CCL17: variants seen among roughly 807,000 people sequenced by gnomAD.
The protein encoded by CCL17 is C-C motif chemokine ligand 17, also known as C-C motif chemokine 17.
Under a neutral mutation model 7.4 loss-of-function variants are expected in CCL17, and 8 were observed. The ratio of observed to expected loss-of-function variants is 1.09; its 90% confidence interval spans 0.64 to 1.96. CCL17 has a LOEUF of 1.96. Among genes scored for constraint, CCL17 ranks in the 30% most tolerant of loss-of-function variants. The pLI is 0.00. For missense variants in CCL17, 102 were observed against 113.0 expected (o/e 0.90, Z 0.44); for synonymous variants, 40 against 46.1 (o/e 0.87, Z 0.54).
At chr16:57,408,534 C>T (rs370729076) in intron 1 of CCL17, among the ~76,000 whole-genome samples, 4 of 152,156 alleles carry the variant, frequency 2.6e-5, no homozygotes, top group South Asian at 4.1e-4. Context: ...TACTCGGCCT[C>T]CAGAGTAGCT....
chr16:57,403,405 TA>T (rs569916524), upstream of CCL17, among the ~76,000 whole-genome samples: 4 of 22,060 alleles, frequency 1.8e-4, 1 homozygote, highest in South Asian at 1.7e-3. Flanking sequence ...ATATATATTA[TA>T]ATATATATAT....
chr16:57,396,179 A>G, the CCL17 span, among the ~76,000 whole-genome samples: 33 of 152,302 alleles, frequency 2.2e-4, no homozygotes, highest in East Asian at 5.8e-3. Context: ...ATTGCTCTGC[A>G]CTGACAGACT....
the CCL17 span, among the ~76,000 whole-genome samples, chr16:57,396,582 G>A: frequency 7.9e-5 from 12 of 152,264 alleles, no homozygotes; most frequent in Middle Eastern, 3.4e-3. Context: ...TGGTGGGGGC[G>A]CTGCTGCAGG....
At chr16:57,414,265 G>A (rs1295640412) in intron 2 of CCL17, among the ~76,000 whole-genome samples, 1 of 151,878 alleles carries the variant, frequency 6.6e-6, no homozygotes, top group Non-Finnish European at 1.5e-5. Flanking sequence ...CGTGAGGTGG[G>A]GGCTGTGGCT....
chr16:57,403,676 A>T (rs1442756076), upstream of CCL17, among the ~76,000 whole-genome samples: 42 of 102,268 alleles, frequency 4.1e-4, no homozygotes, highest in South Asian at 1.0e-3. Flanking sequence ...ATATTTTTTG[A>T]GATAGAGTCT....
At chr16:57,397,316 G>T in the CCL17 span, among the ~76,000 whole-genome samples, 1 of 152,166 alleles carries the variant, frequency 6.6e-6, no homozygotes, top group East Asian at 1.9e-4. Flanking sequence ...TGAAAACTTT[G>T]GTGGAGGGTC....
chr16:57,407,514 T>A (rs572979788), intron 1 of CCL17, among the ~76,000 whole-genome samples: 5 of 152,288 alleles, frequency 3.3e-5, no homozygotes, highest in African/African-American at 1.2e-4. Flanking sequence ...TAGTTCAGAA[T>A]CTCTAAGTGA....
intron 1 of CCL17, among the ~76,000 whole-genome samples, chr16:57,413,299 G>A (rs529593550): frequency 2.6e-5 from 4 of 152,286 alleles, no homozygotes; most frequent in South Asian, 4.1e-4. Flanking sequence ...TCAGCCTCTC[G>A]GAGGCAGATA....
In CCL17 at chr16:57,415,309, C is replaced by T; in HGVS notation, c.188+111C>T. The T allele has an allele frequency of 1.3e-6, 1 of 745,682 alleles. No homozygotes were observed. Among genetic ancestry groups the T allele is most frequent in the Non-Finnish European group, 2.4e-6 (1 of 416,892 alleles). The allele number at this position is 745,682 out of a possible 1,614,324, so 46.2% of individuals were successfully genotyped here. On this transcript the variant is annotated intron_variant, in intron 3 of 3. Transcript: ENST00000219244. The surrounding 1 kb of genome is among the most constrained non-coding windows in gnomAD (Gnocchi z 4.5). ...AGCAGGGAAGAGACAGCGGGGCCTT[C>T]CTCCCCAACCCCTGCAGGCTCCCCA...
chr16:57,398,587 C>T, the CCL17 span, among the ~76,000 whole-genome samples: 10 of 151,896 alleles, frequency 6.6e-5, no homozygotes, highest in African/African-American at 2.4e-4. Context: ...CCCAAGGAAC[C>T]CCTGCAACTG....
the CCL17 span, among the ~76,000 whole-genome samples, chr16:57,396,128 C>A: frequency 6.6e-6 from 1 of 152,188 alleles, no homozygotes. Context: ...GTTCCTGTAA[C>A]AGTGGCCATT....
chr16:57,410,809 C>T (rs1191963204), intron 1 of CCL17, among the ~76,000 whole-genome samples: 1 of 152,222 alleles, frequency 6.6e-6, no homozygotes, highest in Non-Finnish European at 1.5e-5. Flanking sequence ...TTGCATCCAT[C>T]TCGCCTTCCC....
At chr16:57,414,952 A>G (rs1902845020) in intron 2 of CCL17, 129 bp from the exon 3 acceptor site, 1 of 709,736 alleles carries the variant, frequency 1.4e-6, no homozygotes, top group Non-Finnish European at 2.6e-6. Flanking sequence ...AGTGATACAC[A>G]TGCAGTCATC....
At chr16:57,400,971 A>G (rs1209133689), upstream of CCL17, among the ~76,000 whole-genome samples, 6 of 151,446 alleles carry the variant, frequency 4.0e-5, no homozygotes, top group Non-Finnish European at 8.9e-5. Context: ...CCCATCTCAA[A>G]AAAAAAAAAA....
rs947826098 is a variant in CCL17, at chr16:57,415,864, C to G, written c.*3C>G. The G allele has an allele frequency of 3.2e-6, 5 of 1,568,904 alleles. No individual in the cohort carries two copies. In the East Asian group the frequency reaches 6.7e-5, roughly 21 times the overall value. On this transcript the variant is annotated 3_prime_UTR_variant, in exon 4 of 4. Coordinates refer to ENST00000219244, the MANE Select transcript of CCL17 (RefSeq NM_002987.3). This position sits in a 1 kb window ranked among gnomAD's most constrained non-coding sequence, Gnocchi z 4.5. ...TGCAAAGCCTTGAGAGGTCTTGAAGCCTCCTCACCCCAGACTCCTGACTGT... is the reference window on the plus strand; with the variant it reads ...TGCAAAGCCTTGAGAGGTCTTGAAGGCTCCTCACCCCAGACTCCTGACTGT...
chr16:57,398,182 C>A, the CCL17 span, among the ~76,000 whole-genome samples: 4 of 152,170 alleles, frequency 2.6e-5, no homozygotes, highest in Non-Finnish European at 4.4e-5. Flanking sequence ...CATGAGTAGT[C>A]CAGATGGTGA....
chr16:57,402,294 C>T (rs569165506), upstream of CCL17, among the ~76,000 whole-genome samples: 1 of 152,208 alleles, frequency 6.6e-6, no homozygotes, highest in Admixed American at 6.5e-5. Context: ...CCATTCCCTG[C>T]TGGCTTTTGC....
At position 57,415,334 on chromosome 16, in the gene CCL17, A is replaced by C; in HGVS notation, c.188+136A>C. On this transcript the variant is annotated intron_variant, in intron 3 of 3. Coordinates refer to ENST00000219244, the MANE Select transcript of CCL17 (RefSeq NM_002987.3). The surrounding 1 kb of genome is among the most constrained non-coding windows in gnomAD (Gnocchi z 4.5). ...CCTCCCCAACCCCTGCAGGCTCCCC[A>C]CACTGTGGGACCCAAAAGGGCCGCA... The C allele has an allele frequency of 1.5e-6, 1 of 658,606 alleles. No homozygotes were observed. Among genetic ancestry groups the C allele is most frequent in the South Asian group, 1.7e-5 (1 of 57,958 alleles). 40.8% of individuals were successfully genotyped at this position (658,606 alleles called of 1,614,324 possible). A position where few individuals can be genotyped will look rare whatever the true frequency, so the allele number is the denominator to read the frequency against.
At chr16:57,411,243 G>A (rs1341530463) in intron 1 of CCL17, among the ~76,000 whole-genome samples, 4 of 152,038 alleles carry the variant, frequency 2.6e-5, no homozygotes, top group African/African-American at 7.2e-5. Context: ...CTGTTCCCCC[G>A]CCCTTACCCA....
Sources: gnomAD v4.1 joint callset for allele counts (sites outside exome capture counted in the v4.1 genomes callset) on GRCh38, gnomAD v4.1.1 for gene constraint, Gnocchi (gnomAD v3.1) non-coding constraint, MANE v1.5 for transcripts, NCBI Gene and HGNC (gene_info 2026-07-23, HGNC 2026-07-21) for gene names.